GALNTL6: variants seen among roughly 807,000 people sequenced by gnomAD.
GALNTL6 encodes the protein polypeptide N-acetylgalactosaminyltransferase-like 6.
GALNTL6 carries 46 observed loss-of-function variants against 73.7 expected under a neutral mutation model. That is an observed-to-expected ratio of 0.62 (90% CI 0.49 to 0.80). The LOEUF (loss-of-function observed/expected upper bound fraction) is 0.80, where lower values mean the gene tolerates loss of function less well. Among genes scored for constraint, GALNTL6 ranks in the 30% least tolerant of loss-of-function variants. The pLI is 0.00. For synonymous variants in GALNTL6, 259 were observed against 263.7 expected (o/e 0.98, Z 0.17); for missense variants, 604 against 755.0 (o/e 0.80, Z 2.34).
At position 172,154,344 on chromosome 4, in the gene GALNTL6, T is replaced by C. The variant is rs191386255; in HGVS notation, c.139-75312T>C. Among the ~76,000 whole-genome samples, 1,056 of 152,228 alleles carry C rather than the reference T, an allele frequency of 6.9e-3. 10 individuals carry two copies. The highest frequency in any genetic ancestry group is 0.024 in the African/African-American group (1,003 of 41,552). On this transcript the variant is annotated intron_variant, in intron 2 of 12. Transcript: ENST00000506823. ...GCCTCCTGGGTTCAAGCGATTCTCC[T>C]GCCTCAGCCTCCCAAGTAGCTGGGA...
At chr4:172,775,601 A>G (rs983715741) in intron 5 of GALNTL6, among the ~76,000 whole-genome samples, 4 of 152,102 alleles carry the variant, frequency 2.6e-5, no homozygotes, top group East Asian at 1.9e-4. Context: ...GGATTTTTTC[A>G]TCTTAAAACC....
chr4:172,657,755 G>C (rs2111168857), intron 5 of GALNTL6, among the ~76,000 whole-genome samples: 1 of 151,960 alleles, frequency 6.6e-6, no homozygotes, highest in East Asian at 1.9e-4. Flanking sequence ...AGAGTGTGAG[G>C]GAAAAGTGAC....
At chr4:172,463,344 A>G (rs1011100158) in intron 5 of GALNTL6, among the ~76,000 whole-genome samples, 3 of 152,108 alleles carry the variant, frequency 2.0e-5, no homozygotes, top group Admixed American at 1.3e-4. Flanking sequence ...CAGAAAAAAA[A>G]AAAAAGAACA....
At chr4:172,700,858 C>T (rs1733986648) in intron 5 of GALNTL6, among the ~76,000 whole-genome samples, 1 of 152,096 alleles carries the variant, frequency 6.6e-6, no homozygotes, top group East Asian at 1.9e-4. Context: ...TCTCCCTATA[C>T]AGGCAGTGTA....
intron 2 of GALNTL6, among the ~76,000 whole-genome samples, chr4:172,190,639 G>A (rs1579234043): frequency 6.6e-6 from 1 of 152,052 alleles, no homozygotes; most frequent in African/African-American, 2.4e-5. Context: ...AGGGAGAGAG[G>A]TCTATAGAAG....
intron 5 of GALNTL6, among the ~76,000 whole-genome samples, chr4:172,421,427 C>T (rs1470827081): frequency 2.6e-5 from 4 of 151,538 alleles, no homozygotes; most frequent in Non-Finnish European, 2.9e-5. Context: ...GATACTTGAT[C>T]ACATAAATAA....
intron 5 of GALNTL6, among the ~76,000 whole-genome samples, chr4:172,660,753 C>T (rs1731324512): frequency 6.6e-6 from 1 of 151,984 alleles, no homozygotes; most frequent in Non-Finnish European, 1.5e-5. Context: ...AATTATAATG[C>T]TATAAATTAT....
At position 172,806,910 on chromosome 4, in the gene GALNTL6, C is replaced by T. The variant is rs149604389; in HGVS notation, c.554-2451C>T. On this transcript the variant is annotated intron_variant, in intron 5 of 12. Coordinates refer to ENST00000506823, the MANE Select transcript of GALNTL6 (RefSeq NM_001034845.3). ...AAGATTTCAATGCCTAAATAAATTACAGTAATGAGATTATACAATTTTCTT... is the reference window on the plus strand; with the variant it reads ...AAGATTTCAATGCCTAAATAAATTATAGTAATGAGATTATACAATTTTCTT... Among the ~76,000 whole-genome samples the T allele has an allele frequency of 8.2e-4, 125 of 152,216 alleles. No homozygotes were observed. The South Asian group carries it at 0.017, about 21-fold the overall frequency.
At chr4:172,136,800 C>A (rs981801709) in intron 2 of GALNTL6, among the ~76,000 whole-genome samples, 3 of 151,970 alleles carry the variant, frequency 2.0e-5, no homozygotes, top group African/African-American at 7.2e-5. Flanking sequence ...TAGTTTTAGT[C>A]ATTTTCACTC....
At chr4:172,820,163 T>C (rs921299520) in intron 7 of GALNTL6, among the ~76,000 whole-genome samples, 28 of 152,246 alleles carry the variant, frequency 1.8e-4, no homozygotes, top group African/African-American at 6.3e-4. Flanking sequence ...CAGGCTTGGG[T>C]TGACTAATGT....
intron 2 of GALNTL6, among the ~76,000 whole-genome samples, chr4:171,882,250 ATCCT>A (rs1197923677): frequency 6.6e-6 from 1 of 152,186 alleles, no homozygotes; most frequent in Non-Finnish European, 1.5e-5. Context: ...ATTTCGTTGT[ATCCT>A]TCCATTTCAA....
intron 2 of GALNTL6, among the ~76,000 whole-genome samples, chr4:172,026,863 C>T (rs542079272): frequency 6.6e-6 from 1 of 152,062 alleles, no homozygotes; most frequent in South Asian, 2.1e-4. Context: ...TTGTGCTTCA[C>T]TTTATTATTT....
intron 3 of GALNTL6, among the ~76,000 whole-genome samples, chr4:172,283,926 T>C (rs1281989121): frequency 1.3e-5 from 2 of 152,154 alleles, no homozygotes; most frequent in Non-Finnish European, 2.9e-5. Flanking sequence ...AAAATACTGA[T>C]TTTCAGATCA....
chr4:172,032,964 A>G (rs762826599), intron 2 of GALNTL6, among the ~76,000 whole-genome samples: 12 of 152,066 alleles, frequency 7.9e-5, no homozygotes, highest in Non-Finnish European at 1.6e-4. Flanking sequence ...CTTATAGTAC[A>G]TGAAAATTGT....
intron 3 of GALNTL6, among the ~76,000 whole-genome samples, chr4:172,239,519 A>T (rs893043228): frequency 2.0e-5 from 3 of 151,768 alleles, no homozygotes; most frequent in African/African-American, 7.3e-5. Context: ...TATCTTATTT[A>T]TTCTTTCAAA....
At chr4:172,176,337 CAAAA>C (rs562300659) in intron 2 of GALNTL6, among the ~76,000 whole-genome samples, 31 of 31,368 alleles carry the variant, frequency 9.9e-4, no homozygotes, top group Admixed American at 3.6e-3. Flanking sequence ...GACTCCGTCT[CAAAA>C]AAAAAAAAAA....
Position 172,229,779 on chromosome 4 carries a change from G to T in GALNTL6, c.247+15G>T. 6.8e-7 allele frequency: 1 copy of T among 1,469,790 alleles called. No homozygotes were observed. The highest frequency in any genetic ancestry group is 9.5e-7 in the Non-Finnish European group (1 of 1,051,402). The allele number at this position is 1,469,790 out of a possible 1,614,324, so 91.0% of individuals were successfully genotyped here. A position where few individuals can be genotyped will look rare whatever the true frequency, so the allele number is the denominator to read the frequency against. On this transcript the variant is annotated intron_variant, in intron 3 of 12. Coordinates refer to ENST00000506823, the MANE Select transcript of GALNTL6 (RefSeq NM_001034845.3). ...TATGCGCTCAGGTATGAAGCTCAGT[G>T]TACGCCAAAGTGCTATTTCACTCGC...
rs369536065 is a variant in GALNTL6, at chr4:172,925,020, T to C, written c.1042-6141T>C. On this transcript the variant is annotated intron_variant, in intron 8 of 12. Coordinates refer to ENST00000506823, the MANE Select transcript of GALNTL6 (RefSeq NM_001034845.3). ...CCGAGTACCTGGGACTACAGGTGCC[T>C]GCCACCACGCCCGGCTAATTTTTTT... Among the ~76,000 whole-genome samples the C allele has an allele frequency of 2.2e-3, 336 of 152,082 alleles. 2 individuals are homozygous for C. Among genetic ancestry groups the C allele is most frequent in the Middle Eastern group, 6.8e-3 (2 of 294 alleles).
At chr4:172,970,400 AAGAC>A (rs1158765544) in intron 10 of GALNTL6, among the ~76,000 whole-genome samples, 1 of 152,130 alleles carries the variant, frequency 6.6e-6, no homozygotes, top group Non-Finnish European at 1.5e-5. Context: ...CTCACCACAT[AAGAC>A]AGACAATCCC....
Sources: allele counts gnomAD v4.1 joint callset (sites outside exome capture counted in the v4.1 genomes callset), GRCh38; gene constraint gnomAD v4.1.1; transcripts MANE v1.5; gene names NCBI Gene and HGNC (gene_info 2026-07-23, HGNC 2026-07-21).